The following STEAP1B variants were observed in gnomAD, a reference collection of about 807,000 sequenced individuals.
STEAP1B encodes the protein STEAP family member 1B.
Under a neutral mutation model 27.9 loss-of-function variants are expected in STEAP1B, and 13 were observed. The observed-to-expected ratio is 0.47, with a 90% CI of 0.30 to 0.74. STEAP1B has a LOEUF of 0.74. Among genes scored for constraint, STEAP1B ranks in the 30% least tolerant of loss-of-function variants. The pLI, the probability that STEAP1B is intolerant of heterozygous loss-of-function variation, is 0.06. For synonymous variants in STEAP1B, 86 were observed against 107.1 expected (o/e 0.80, Z 1.22); for missense variants, 250 against 298.7 (o/e 0.84, Z 1.20).
intron 4 of STEAP1B, among the ~76,000 whole-genome samples, chr7:22,475,902 T>A (rs905901298): frequency 6.6e-6 from 1 of 152,234 alleles, no homozygotes; most frequent in Admixed American, 6.5e-5. Flanking sequence ...CTGCCTTTTT[T>A]AAGCAGTTGC....
chr7:22,431,882 C>T (rs768933977), intron 4 of STEAP1B, among the ~76,000 whole-genome samples: 32 of 152,180 alleles, frequency 2.1e-4, no homozygotes, highest in South Asian at 4.1e-4. Context: ...CTCCCTTATC[C>T]CATCTGGCCC....
In STEAP1B at chr7:22,419,852, C is replaced by T; in HGVS notation, c.763-16G>A. On this transcript the variant is annotated splice_polypyrimidine_tract_variant and intron_variant, in intron 4 of 4. Coordinates refer to ENST00000678116, the MANE Select transcript of STEAP1B (RefSeq NM_001382447.1). ...TACCATGTACCTGGAAGGCAGACAG[C>T]AAGAAAGAGTTGATGTATAGAAGTA... is the stretch of plus-strand genomic sequence containing the variant. 6.5e-7 allele frequency: 1 copy of T among 1,548,838 alleles called. No individual in the cohort carries two copies. Among genetic ancestry groups the T allele is most frequent in the East Asian group, 2.5e-5 (1 of 40,784 alleles).
At chr7:22,423,651 G>A (rs1785071897) in intron 4 of STEAP1B, among the ~76,000 whole-genome samples, 1 of 152,168 alleles carries the variant, frequency 6.6e-6, no homozygotes, top group Non-Finnish European at 1.5e-5. Flanking sequence ...GGTTTTTTTG[G>A]AAGGGGGTGA....
chr7:22,432,909 C>T (rs1215999655), intron 4 of STEAP1B, among the ~76,000 whole-genome samples: 1 of 152,198 alleles, frequency 6.6e-6, no homozygotes, highest in Non-Finnish European at 1.5e-5. Flanking sequence ...TAGAGAAATG[C>T]TCTCATAACT....
intron 4 of STEAP1B, among the ~76,000 whole-genome samples, chr7:22,448,552 CTT>C (rs1250053708): frequency 6.6e-6 from 1 of 151,906 alleles, no homozygotes; most frequent in Non-Finnish European, 1.5e-5. Flanking sequence ...AATCTTAAGA[CTT>C]TAGATGTTAA....
At chr7:22,492,821 T>G in intron 3 of STEAP1B, 92 bp from the exon 4 acceptor site, 2 of 1,464,830 alleles carry the variant, frequency 1.4e-6, no homozygotes, top group South Asian at 1.7e-5. Flanking sequence ...GTGTGTACTA[T>G]GAAGCCCTGA....
intron 4 of STEAP1B, among the ~76,000 whole-genome samples, chr7:22,437,266 C>G (rs1785267312): frequency 6.6e-6 from 1 of 152,328 alleles, no homozygotes; most frequent in African/African-American, 2.4e-5. Flanking sequence ...ATTTCCTCCT[C>G]TCCCTCGTTC....
chr7:22,442,347 A>C lies in STEAP1B; in HGVS notation c.763-22511T>G, dbSNP rs373877574. Among the ~76,000 whole-genome samples, 69 of 152,388 alleles carry C rather than the reference A, an allele frequency of 4.5e-4. 3 individuals are homozygous for C. In the South Asian group the frequency reaches 0.012, roughly 26 times the overall value. On this transcript the variant is annotated intron_variant, in intron 4 of 4. Transcript: ENST00000678116. Reference sequence around the variant, plus strand: ...GCCAGATGCAAGAAGTCAAGACGACAAACGTGTTTCTCCCAGCTAATAACA... The same window carrying C: ...GCCAGATGCAAGAAGTCAAGACGACCAACGTGTTTCTCCCAGCTAATAACA...
At chr7:22,435,561 T>C (rs1379652449) in intron 4 of STEAP1B, among the ~76,000 whole-genome samples, 2 of 152,176 alleles carry the variant, frequency 1.3e-5, no homozygotes, top group Admixed American at 1.3e-4. Flanking sequence ...GGGGTGGTTA[T>C]TAAGAAGTCT....
At chr7:22,471,227 G>A (rs988280006) in intron 4 of STEAP1B, among the ~76,000 whole-genome samples, 6 of 152,184 alleles carry the variant, frequency 3.9e-5, no homozygotes, top group Non-Finnish European at 8.8e-5. Context: ...GAGCTCCCTA[G>A]AGGTGCCACG....
At chr7:22,491,010 T>C (rs542276901) in intron 4 of STEAP1B, among the ~76,000 whole-genome samples, 1 of 152,358 alleles carries the variant, frequency 6.6e-6, no homozygotes, top group South Asian at 2.1e-4. Flanking sequence ...TATCTTGAAG[T>C]AGGAGTATAT....
chr7:22,463,408 C>T (rs1354878777), intron 4 of STEAP1B, among the ~76,000 whole-genome samples: 1 of 152,088 alleles, frequency 6.6e-6, no homozygotes, highest in Non-Finnish European at 1.5e-5. Context: ...TCAATGCCAT[C>T]CCCATCAAGC....
chr7:22,477,218 T>C (rs1785988286), intron 4 of STEAP1B, among the ~76,000 whole-genome samples: 3 of 152,248 alleles, frequency 2.0e-5, no homozygotes, highest in Non-Finnish European at 4.4e-5. Context: ...GGTCACATTA[T>C]GGTGTGTCTG....
intron 1 of STEAP1B, among the ~76,000 whole-genome samples, chr7:22,498,924 G>A (rs1326682880): frequency 6.6e-6 from 1 of 152,218 alleles, no homozygotes; most frequent in Non-Finnish European, 1.5e-5. Flanking sequence ...ATGACAGTGA[G>A]GAAGCTTGTT....
At chr7:22,445,590 C>T (rs958714329) in intron 4 of STEAP1B, among the ~76,000 whole-genome samples, 2 of 152,258 alleles carry the variant, frequency 1.3e-5, no homozygotes, top group Non-Finnish European at 2.9e-5. Context: ...AGGGTACATC[C>T]GAGCCTGGGC....
At chr7:22,497,885 C>T (rs549358402) in intron 1 of STEAP1B, among the ~76,000 whole-genome samples, 2 of 152,098 alleles carry the variant, frequency 1.3e-5, no homozygotes, top group African/African-American at 2.4e-5. Flanking sequence ...TTGCAGTGGT[C>T]CCCAACCTTT....
intron 4 of STEAP1B, among the ~76,000 whole-genome samples, chr7:22,425,905 A>G (rs780533362): frequency 4.6e-5 from 7 of 152,250 alleles, no homozygotes; most frequent in African/African-American, 9.6e-5. Flanking sequence ...ACATATTCAC[A>G]AATGGCTATT....
Position 22,439,032 on chromosome 7 carries a change from G to C in STEAP1B, c.763-19196C>G, listed in dbSNP as rs528849665. 2.0e-5 allele frequency among the ~76,000 whole-genome samples: 3 copies of C among 152,238 alleles called. No individual in the cohort carries two copies. The South Asian group carries it at 6.2e-4, about 32-fold the overall frequency. On this transcript the variant is annotated intron_variant, in intron 4 of 4. Transcript: ENST00000678116. ...TCTGGCCAATATGTAACTTGTAAAT[G>C]ATAGTAAATGTTTGATGACATTTAC...
Position 22,493,761 on chromosome 7 carries a change from C to T in STEAP1B, c.160G>A (p.Glu54Lys). 6.2e-7 allele frequency: 1 copy of T among 1,613,856 alleles called. No homozygotes were observed. Among genetic ancestry groups the T allele is most frequent in the African/African-American group, 1.3e-5 (1 of 74,990 alleles). The part of the protein sequence containing the change: ...LHLQQTAHAD[E>K]FDCPSELQHA... ...TGAAGTTCTGAAGGGCAGTCAAATTCATCAGCATGGGCTGTTTGCTGCAAA... is the reference window on the plus strand; with the variant it reads ...TGAAGTTCTGAAGGGCAGTCAAATTTATCAGCATGGGCTGTTTGCTGCAAA... Residue 54 changes from glutamate to lysine, a missense_variant, in exon 3 of 5, where the codon GAA (glutamate) becomes AAA (lysine). By Grantham distance (56) the Glu-to-Lys change is moderately conservative. Coordinates refer to ENST00000678116, the MANE Select transcript of STEAP1B (RefSeq NM_001382447.1).
Sources: gnomAD v4.1 joint callset for allele counts (sites outside exome capture counted in the v4.1 genomes callset) on GRCh38, gnomAD v4.1.1 for gene constraint, MANE v1.5 for transcripts, NCBI Gene and HGNC (gene_info 2026-07-23, HGNC 2026-07-21) for gene names.